The following ARHGAP32 variants were observed in gnomAD, a reference collection of about 807,000 sequenced individuals.
ARHGAP32 encodes the protein rho GTPase-activating protein 32.
Under a neutral mutation model 186.5 loss-of-function variants are expected in ARHGAP32, and 51 were observed. The ratio of observed to expected loss-of-function variants is 0.27; its 90% confidence interval spans 0.22 to 0.35. The LOEUF (loss-of-function observed/expected upper bound fraction) is 0.35. ARHGAP32 is among the 10% of genes least tolerant of loss of function. The pLI, the probability that ARHGAP32 is intolerant of heterozygous loss-of-function variation, is 1.00. For synonymous variants in ARHGAP32, 950 were observed against 964.3 expected (o/e 0.99, Z 0.27); for missense variants, 2,186 against 2,623.5 (o/e 0.83, Z 3.64).
At chr11:129,186,883 G>A (rs1944172714) in intron 1 of ARHGAP32, among the ~76,000 whole-genome samples, 1 of 152,128 alleles carries the variant, frequency 6.6e-6, no homozygotes, top group African/African-American at 2.4e-5. Context: ...GCAACAATGT[G>A]GAGAAATGGG....
At chr11:129,270,721 T>C (rs760100778) in intron 1 of ARHGAP32, among the ~76,000 whole-genome samples, 3 of 149,398 alleles carry the variant, frequency 2.0e-5, no homozygotes, top group Non-Finnish European at 4.4e-5. Flanking sequence ...AACGTAAAAA[T>C]AGTCTACTTA....
chr11:129,131,957 C>T lies in ARHGAP32; in HGVS notation c.226-7063G>A, dbSNP rs761230112. 9.7e-4 allele frequency among the ~76,000 whole-genome samples: 148 copies of T among 152,162 alleles called. 1 individual carries two copies. Among genetic ancestry groups the T allele is most frequent in the Non-Finnish European group, 1.6e-3 (112 of 68,020 alleles). On this transcript the variant is annotated intron_variant, in intron 2 of 22. Coordinates refer to ENST00000682385, the MANE Select transcript of ARHGAP32 (RefSeq NM_001378024.1). Reference sequence around the variant, plus strand: ...TGTTTTTAATTTTTATTTTTAAGTTCTGGGGTACATGTGCAGGATGTGCAG... The same window carrying T: ...TGTTTTTAATTTTTATTTTTAAGTTTTGGGGTACATGTGCAGGATGTGCAG...
chr11:129,239,061 A>G (rs1337389485), intron 1 of ARHGAP32, among the ~76,000 whole-genome samples: 2 of 151,926 alleles, frequency 1.3e-5, no homozygotes, highest in Non-Finnish European at 2.9e-5. Flanking sequence ...TGTTGCCCAG[A>G]CTGGTCTCAA....
At chr11:129,030,103 G>A (rs1364214844) in intron 11 of ARHGAP32, among the ~76,000 whole-genome samples, 2 of 152,150 alleles carry the variant, frequency 1.3e-5, no homozygotes, top group African/African-American at 2.4e-5. Flanking sequence ...CAGTGCCTCT[G>A]AAGGTAGGGA....
rs1399271789 is a variant in ARHGAP32, at chr11:128,966,789, G to A, written c.*2118C>T. 2 of 152,132 alleles carry A rather than the reference G, an allele frequency of 1.3e-5. No individual in the cohort carries two copies. Among genetic ancestry groups the A allele is most frequent in the African/African-American group, 4.8e-5 (2 of 41,406 alleles). The allele number at this position is 152,132 out of a possible 1,614,324, so 9.4% of individuals were successfully genotyped here. ...AGCAGCCCCTCTTCCTAATCTCCAT[G>A]CTGCTGGTGAGAACTTACAGGGCTG... On this transcript the variant is annotated 3_prime_UTR_variant, in exon 23 of 23. Transcript: ENST00000682385.
chr11:129,019,109 G>A (rs553669380), intron 11 of ARHGAP32, among the ~76,000 whole-genome samples: 3 of 152,296 alleles, frequency 2.0e-5, no homozygotes, highest in Admixed American at 2.0e-4. Context: ...AGGACATGCT[G>A]AAGAAATTCT....
At chr11:129,085,005 G>A (rs1331894911) in intron 6 of ARHGAP32, among the ~76,000 whole-genome samples, 2 of 151,710 alleles carry the variant, frequency 1.3e-5, no homozygotes, top group Admixed American at 6.6e-5. Flanking sequence ...CAATGAGCAA[G>A]AGAAATTTTG....
intron 6 of ARHGAP32, among the ~76,000 whole-genome samples, chr11:129,091,807 C>CAGTAATTT (rs1941585150): frequency 6.6e-6 from 1 of 152,030 alleles, no homozygotes; most frequent in Non-Finnish European, 1.5e-5. Context: ...ACACCAACTT[C>CAGTAATTT]AGTAATTTGG....
At chr11:129,124,718 G>T in intron 3 of ARHGAP32, 85 bp downstream of exon 3, 3 of 1,058,890 alleles carry the variant, frequency 2.8e-6, no homozygotes, top group Non-Finnish European at 2.7e-6. Context: ...TTTGTAAAAA[G>T]TCTAAATAAA....
intron 5 of ARHGAP32, among the ~76,000 whole-genome samples, chr11:129,106,350 G>T (rs1157707085): frequency 6.6e-6 from 1 of 151,940 alleles, no homozygotes; most frequent in East Asian, 1.9e-4. Flanking sequence ...CTATAAAAAA[G>T]AAAAAACCAC....
At chr11:129,253,893 G>A (rs890543039) in intron 1 of ARHGAP32, among the ~76,000 whole-genome samples, 2 of 152,082 alleles carry the variant, frequency 1.3e-5, no homozygotes, top group Non-Finnish European at 2.9e-5. Context: ...GAAAATTTCT[G>A]CCCATAATAC....
rs1421530741 is a variant in ARHGAP32, at chr11:128,969,560, C to T, written c.5653G>A (p.Gly1885Ser). The T allele has an allele frequency of 1.2e-6, 2 of 1,614,142 alleles. No individual in the cohort carries two copies. The highest frequency in any genetic ancestry group is 1.7e-6 in the Non-Finnish European group (2 of 1,180,026). ...GCCCTGTGCTCAGGAAGACTGCAGC[C>T]CATGTCAGGAAGCTTCCTGCTCCTC... ...SLRSRKLPDMGCSLPEHRAHQ... is the reference protein window; with the variant it reads ...SLRSRKLPDMSCSLPEHRAHQ... The change falls in exon 23 of 23, where the codon GGC (glycine) becomes AGC (serine). Residue 1885 changes from glycine (G) to serine (S), a missense_variant. This residue lies in a region of ARHGAP32 where 1,502 missense variants were observed against 1,570.0 expected (regional missense o/e 0.96). Transcript: ENST00000682385. The surrounding 1 kb of genome is among the most constrained non-coding windows in gnomAD (Gnocchi z 4.8).
Position 128,980,636 on chromosome 11 carries a change from C to T in ARHGAP32, c.1893G>A (p.Thr631=), listed in dbSNP as rs751293823. ...CTCCTACTTCGATATATTTATTTTC[C>T]GTCACAATTGGAGAATTGACCTGAG... ...TQAQVNSPIV[T]ENKYIEVGEG... The change falls in exon 18 of 23, where the codon ACG becomes ACA. Residue 631 remains threonine (T), a synonymous_variant. Coordinates refer to ENST00000682385, the MANE Select transcript of ARHGAP32 (RefSeq NM_001378024.1). 2.2e-5 allele frequency: 35 copies of T among 1,613,794 alleles called. No homozygotes were observed. In the East Asian group the frequency reaches 6.5e-4, roughly 30 times the overall value.
rs768697368 is a variant in ARHGAP32 at position 128,969,497 on chromosome 11, T to C, written c.5716A>G (p.Lys1906Glu). Residue 1906 changes from lysine to glutamate, a missense_variant, in exon 23 of 23, where the codon AAG (lysine) becomes GAG (glutamate). Coordinates refer to ENST00000682385, the MANE Select transcript of ARHGAP32 (RefSeq NM_001378024.1). The surrounding 1 kb of genome is among the most constrained non-coding windows in gnomAD (Gnocchi z 4.8). ...EASHRQFCESKNGPPYPQGAG... is the reference protein window; with the variant it reads ...EASHRQFCESENGPPYPQGAG... ...CCCTGGGGATAAGGGGGCCCATTCT[T>C]TGACTCACAGAACTGCCTATGGCTT... 2.5e-6 allele frequency: 4 copies of C among 1,614,172 alleles called. No homozygotes were observed. Among genetic ancestry groups the C allele is most frequent in the East Asian group, 2.2e-5 (1 of 44,876 alleles).
At chr11:129,129,911 T>C (rs1194191820) in intron 2 of ARHGAP32, among the ~76,000 whole-genome samples, 2 of 152,258 alleles carry the variant, frequency 1.3e-5, no homozygotes, top group East Asian at 3.8e-4. Context: ...GGTTGGTATG[T>C]AGTTATTGGT....
intron 1 of ARHGAP32, among the ~76,000 whole-genome samples, chr11:129,170,172 GA>G: frequency 7.1e-6 from 1 of 140,432 alleles, no homozygotes; most frequent in Middle Eastern, 3.7e-3. Flanking sequence ...CTATTAAAGG[GA>G]AATATATATA....
At chr11:129,013,465 A>G (rs1221874580) in intron 11 of ARHGAP32, among the ~76,000 whole-genome samples, 1 of 152,212 alleles carries the variant, frequency 6.6e-6, no homozygotes, top group Non-Finnish European at 1.5e-5. Context: ...TGATTCCAAA[A>G]GCCTTCAAAG....
intron 2 of ARHGAP32, among the ~76,000 whole-genome samples, chr11:129,141,718 ACT>A (rs1283333748): frequency 4.6e-5 from 7 of 151,578 alleles, no homozygotes; most frequent in South Asian, 4.2e-4. Flanking sequence ...AAAAAAAAAA[ACT>A]CTCTGCATTG....
At chr11:129,088,167 G>T (rs1941466549) in intron 6 of ARHGAP32, among the ~76,000 whole-genome samples, 1 of 152,124 alleles carries the variant, frequency 6.6e-6, no homozygotes, top group African/African-American at 2.4e-5. Context: ...CACATAATTT[G>T]CAAATCATCT....
Sources: allele counts gnomAD v4.1 joint callset (sites outside exome capture counted in the v4.1 genomes callset), GRCh38; gene constraint gnomAD v4.1.1; regional missense constraint gnomAD v4.1.1; non-coding constraint Gnocchi (gnomAD v3.1); transcripts MANE v1.5; gene names NCBI Gene and HGNC (gene_info 2026-07-23, HGNC 2026-07-21).